The following SGCD variants were observed in gnomAD, a reference collection of about 807,000 sequenced individuals.
SGCD encodes delta-sarcoglycan.
Under a neutral mutation model 36.6 loss-of-function variants are expected in SGCD, and 18 were observed. The ratio of observed to expected loss-of-function variants is 0.49; its 90% CI spans 0.34 to 0.73. SGCD has a LOEUF of 0.73. Ranked by LOEUF, SGCD falls within the 30% of genes least tolerant of loss-of-function variation. SGCD has a pLI of 0.01. For synonymous variants in SGCD, 133 were observed against 130.6 expected (o/e 1.02, Z -0.12); for missense variants, 387 against 346.7 (o/e 1.12, Z -0.92).
rs140530259 is a variant in SGCD, at chr5:155,989,972, C to T, written c.-282+119548C>T. Among the ~76,000 whole-genome samples the T allele has an allele frequency of 4.4e-3, 664 of 152,294 alleles. 1 individual carries two copies. The highest frequency in any genetic ancestry group is 6.8e-3 in the Middle Eastern group (2 of 294). ...TGAATAAAAATGAGACCATGTTGTT[C>T]CTCCTTTTGTTCAATTTCTTCACTC... On this transcript the variant is annotated intron_variant, in intron 1 of 9. Coordinates refer to the SGCD transcript ENST00000517913.
At chr5:156,175,257 C>T (rs1763437388) in intron 3 of SGCD, among the ~76,000 whole-genome samples, 1 of 152,028 alleles carries the variant, frequency 6.6e-6, no homozygotes, top group Non-Finnish European at 1.5e-5. Context: ...TTTCCTAATA[C>T]ATAAGTACTT....
intron 3 of SGCD, among the ~76,000 whole-genome samples, chr5:156,503,521 C>T (rs1442957362): frequency 6.6e-6 from 1 of 152,038 alleles, no homozygotes; most frequent in Non-Finnish European, 1.5e-5. Flanking sequence ...AATAAGAAAC[C>T]CAGCAGGAAC....
intron 3 of SGCD, among the ~76,000 whole-genome samples, chr5:156,318,845 C>T (rs535569917): frequency 3.3e-5 from 5 of 152,284 alleles, no homozygotes; most frequent in African/African-American, 1.2e-4. Context: ...ATCCGCCTGC[C>T]TTGGCCTCCC....
At chr5:156,527,011 G>A (rs889583555) in intron 4 of SGCD, among the ~76,000 whole-genome samples, 1 of 152,198 alleles carries the variant, frequency 6.6e-6, no homozygotes, top group Non-Finnish European at 1.5e-5. Flanking sequence ...AAAGGAGCCT[G>A]AGAATGTCTA....
At chr5:156,544,824 CCTTAT>C (rs1581146198) in intron 4 of SGCD, among the ~76,000 whole-genome samples, 1 of 152,064 alleles carries the variant, frequency 6.6e-6, no homozygotes, top group East Asian at 1.9e-4. Flanking sequence ...ATATTGTCAC[CCTTAT>C]CTTAACGAGC....
chr5:155,909,365 C>A (rs1418142242), intron 1 of SGCD, among the ~76,000 whole-genome samples: 2 of 152,100 alleles, frequency 1.3e-5, no homozygotes, highest in African/African-American at 4.8e-5. Context: ...TACTTTGTGA[C>A]AAGTGGGGTC....
At chr5:155,972,360 G>T (rs1033065449) in intron 1 of SGCD, among the ~76,000 whole-genome samples, 5 of 151,940 alleles carry the variant, frequency 3.3e-5, no homozygotes, top group African/African-American at 1.2e-4. Flanking sequence ...CATCATTAAT[G>T]GATATGATAG....
intron 1 of SGCD, among the ~76,000 whole-genome samples, chr5:156,011,612 G>A (rs1758862993): frequency 6.6e-6 from 1 of 152,116 alleles, no homozygotes; most frequent in Non-Finnish European, 1.5e-5. Context: ...CCAATTTTTT[G>A]TATTTTTAGT....
intron 3 of SGCD, among the ~76,000 whole-genome samples, chr5:156,478,195 A>G (rs1335364428): frequency 6.6e-6 from 1 of 152,140 alleles, no homozygotes. Context: ...TTCATTACTT[A>G]TCTTTCTGTA....
chr5:155,916,930 G>C (rs1471354517), intron 1 of SGCD, among the ~76,000 whole-genome samples: 1 of 152,282 alleles, frequency 6.6e-6, no homozygotes, highest in African/African-American at 2.4e-5. Context: ...AGATTACCCT[G>C]ATGGACTAGC....
At chr5:155,817,456 T>C in the SGCD span, among the ~76,000 whole-genome samples, 2 of 151,992 alleles carry the variant, frequency 1.3e-5, no homozygotes, top group African/African-American at 4.8e-5. Flanking sequence ...TTTTTGTTAA[T>C]TTTATAAGCT....
chr5:156,487,813 A>AAAAAAAAAAAAAAAAAAAG (rs1554107842), intron 3 of SGCD, among the ~76,000 whole-genome samples: 17 of 77,796 alleles, frequency 2.2e-4, no homozygotes, highest in East Asian at 2.2e-3. Context: ...AAAAAAAAAA[A>AAAAAAAAAAAAAAAAAAAG]AAAGAAAGAA....
chr5:156,468,381 G>T (rs2127824933), intron 3 of SGCD, among the ~76,000 whole-genome samples: 1 of 150,960 alleles, frequency 6.6e-6, no homozygotes, highest in East Asian at 1.9e-4. Flanking sequence ...ATTGTTTATG[G>T]CCACTAAGAG....
At chr5:155,894,399 G>T (rs111426459) in intron 1 of SGCD, among the ~76,000 whole-genome samples, 148 of 152,192 alleles carry the variant, frequency 9.7e-4, no homozygotes, top group African/African-American at 3.2e-3. Context: ...CTTTATATGT[G>T]GAATTTGTAT....
intron 3 of SGCD, among the ~76,000 whole-genome samples, chr5:156,299,116 A>G (rs1766984077): frequency 6.6e-6 from 1 of 152,200 alleles, no homozygotes; most frequent in Admixed American, 6.5e-5. Flanking sequence ...TTATTATTAT[A>G]TATTGCAAGA....
chr5:155,889,235 G>C (rs922325961), intron 1 of SGCD, among the ~76,000 whole-genome samples: 1 of 152,076 alleles, frequency 6.6e-6, no homozygotes, highest in South Asian at 2.1e-4. Context: ...TACCCACGTA[G>C]AGGAAATTTA....
chr5:156,344,411 A>ATT (rs80276463), intron 2 of SGCD, 78 bp from the exon 3 acceptor site: 797 of 944,356 alleles, frequency 8.4e-4, no homozygotes, highest in South Asian at 1.7e-3. Flanking sequence ...TCATCAGTTG[A>ATT]TTTTTTTTTC....
intron 4 of SGCD, among the ~76,000 whole-genome samples, chr5:156,587,418 C>T (rs1460475399): frequency 6.6e-6 from 1 of 152,188 alleles, no homozygotes; most frequent in African/African-American, 2.4e-5. Flanking sequence ...TCAGCCACAT[C>T]ACATCAAAAC....
the SGCD span, among the ~76,000 whole-genome samples, chr5:155,823,960 G>C: frequency 3.3e-5 from 5 of 152,172 alleles, no homozygotes; most frequent in African/African-American, 1.2e-4. Flanking sequence ...CTCATAGGGG[G>C]AAGGAAATCA....
Sources: allele counts gnomAD v4.1 joint callset (sites outside exome capture counted in the v4.1 genomes callset), GRCh38; gene constraint gnomAD v4.1.1; transcripts MANE v1.5; gene names NCBI Gene and HGNC (gene_info 2026-07-23, HGNC 2026-07-21).